ERN1: variants seen among roughly 807,000 people sequenced by gnomAD.
ERN1 encodes endoplasmic reticulum to nucleus signaling 1.
Under a neutral mutation model 113.1 loss-of-function variants are expected in ERN1, and 39 were observed. The observed-to-expected ratio is 0.34, with a 90% CI of 0.27 to 0.45. ERN1 has a LOEUF of 0.45. Ranked by LOEUF, ERN1 falls within the 20% of genes least tolerant of loss-of-function variation. The pLI is 1.00. For synonymous variants in ERN1, 507 were observed against 515.9 expected, an observed-to-expected ratio of 0.98 and a Z score of 0.23; for missense variants, 976 against 1,274.8, an observed-to-expected ratio of 0.77 and a Z score of 3.57.
intron 1 of ERN1, among the ~76,000 whole-genome samples, chr17:64,110,225 A>G (rs1914636857): frequency 6.6e-6 from 1 of 152,202 alleles, no homozygotes; most frequent in Non-Finnish European, 1.5e-5. Context: ...TATTTTTTAC[A>G]CTGACATATA....
intron 4 of ERN1, among the ~76,000 whole-genome samples, chr17:64,077,725 T>C (rs770495960): frequency 4.0e-5 from 6 of 151,758 alleles, no homozygotes; most frequent in Non-Finnish European, 8.8e-5. Context: ...CACATGTCCA[T>C]TGGTGAACAA....
At chr17:64,129,853 G>A in intron 1 of ERN1, 123 bp downstream of exon 1, 1 of 915,476 alleles carries the variant, frequency 1.1e-6, no homozygotes, top group Non-Finnish European at 1.5e-6. Context: ...CTGGGCTCAC[G>A]GGGCATCTGG....
At chr17:64,096,415 G>A (rs910837784) in intron 2 of ERN1, among the ~76,000 whole-genome samples, 4 of 152,184 alleles carry the variant, frequency 2.6e-5, no homozygotes, top group African/African-American at 7.2e-5. Context: ...TCTAGTTGCA[G>A]GAAAAGAAGC....
At chr17:64,082,925 A>T (rs1003420563) in intron 2 of ERN1, among the ~76,000 whole-genome samples, 10 of 152,006 alleles carry the variant, frequency 6.6e-5, no homozygotes, top group Non-Finnish European at 1.5e-4. Flanking sequence ...TTTCCCATCC[A>T]CTCAGTAAAA....
intron 5 of ERN1, among the ~76,000 whole-genome samples, chr17:64,072,620 C>T (rs1048139477): frequency 1.3e-5 from 2 of 152,244 alleles, no homozygotes. Flanking sequence ...GAGTTGGTTG[C>T]AACCTGATGC....
intron 12 of ERN1, among the ~76,000 whole-genome samples, chr17:64,056,893 T>G (rs1239190928): frequency 6.6e-6 from 1 of 152,134 alleles, no homozygotes; most frequent in Admixed American, 6.5e-5. Context: ...GGGAGTGCCA[T>G]AAAGAGTCTG....
At chr17:64,064,286 G>A in intron 9 of ERN1, 135 bp from the exon 10 acceptor site, 2 of 972,058 alleles carry the variant, frequency 2.1e-6, no homozygotes, top group Non-Finnish European at 2.9e-6. Flanking sequence ...AGACACAAAG[G>A]CCCAAAGTCT....
intron 2 of ERN1, among the ~76,000 whole-genome samples, chr17:64,082,178 G>A (rs1913787296): frequency 6.6e-6 from 1 of 152,182 alleles, no homozygotes; most frequent in African/African-American, 2.4e-5. Context: ...AAGGCATATG[G>A]TGTTCACAAC....
At chr17:64,061,406 A>T (rs1043772031) in intron 10 of ERN1, among the ~76,000 whole-genome samples, 1 of 152,136 alleles carries the variant, frequency 6.6e-6, no homozygotes, top group African/African-American at 2.4e-5. Context: ...TCTCACTCTG[A>T]CTCACGTCTC....
At position 64,052,771 on chromosome 17, in the gene ERN1, A is replaced by C; in HGVS notation, c.2253+9T>G. 1.2e-6 allele frequency: 2 copies of C among 1,611,530 alleles called. No homozygotes were observed. Among genetic ancestry groups the C allele is most frequent in the Non-Finnish European group, 1.7e-6 (2 of 1,178,016 alleles). On this transcript the variant is annotated intron_variant, in intron 17 of 21. Coordinates refer to ENST00000433197, the MANE Select transcript of ERN1 (RefSeq NM_001433.5). ...TGTAGTTTTCAAAGGGCCATAGCCT[A>C]TTACTCACAGGGTTCTCCTTACAGT...
chr17:64,074,005 CAT>C (rs1243880409), intron 5 of ERN1, among the ~76,000 whole-genome samples: 1 of 152,192 alleles, frequency 6.6e-6, no homozygotes, highest in Non-Finnish European at 1.5e-5. Context: ...GCCTGCTCCA[CAT>C]GTGTGCAACT....
chr17:64,079,517 T>C (rs988410664), intron 4 of ERN1, 145 bp downstream of exon 4: 7 of 593,386 alleles, frequency 1.2e-5, no homozygotes, highest in African/African-American at 1.1e-4. Context: ...ATGCCCAGGC[T>C]CCTCTCTAGA....
At chr17:64,105,482 A>G (rs1914499915) in intron 1 of ERN1, among the ~76,000 whole-genome samples, 1 of 152,224 alleles carries the variant, frequency 6.6e-6, no homozygotes, top group Admixed American at 6.5e-5. Context: ...CCAACAGACC[A>G]GAAGTTTATA....
chr17:64,079,778 G>A, intron 3 of ERN1, 44 bp from the exon 4 acceptor site: 12 of 1,526,016 alleles, frequency 7.9e-6, no homozygotes, highest in Non-Finnish European at 1.1e-5. Context: ...TACAGCCCAG[G>A]GCATGGAACA....
intron 17 of ERN1, 122 bp downstream of exon 17, chr17:64,052,658 A>G: frequency 1.2e-6 from 1 of 817,758 alleles, no homozygotes; most frequent in South Asian, 2.2e-5. Context: ...CTCTTGGTGA[A>G]AGGAATGCCA....
intron 1 of ERN1, among the ~76,000 whole-genome samples, chr17:64,099,540 A>T (rs548650382): frequency 1.3e-5 from 2 of 152,242 alleles, no homozygotes; most frequent in Non-Finnish European, 2.9e-5. Flanking sequence ...AAAAAAAAAA[A>T]TGCCAATGCA....
chr17:64,118,854 G>C (rs1262775197), intron 1 of ERN1, among the ~76,000 whole-genome samples: 1 of 152,124 alleles, frequency 6.6e-6, no homozygotes, highest in Non-Finnish European at 1.5e-5. Flanking sequence ...CATGAAAAGG[G>C]GAAGGGAGTG....
chr17:64,106,796 A>C (rs1293914179), intron 1 of ERN1, among the ~76,000 whole-genome samples: 1 of 150,072 alleles, frequency 6.7e-6, no homozygotes, highest in Non-Finnish European at 1.5e-5. Flanking sequence ...ATAGGACACC[A>C]GTCCTACAGG....
chr17:64,054,182 T>G lies in ERN1; in HGVS notation c.1953+68A>C. The G allele has an allele frequency of 7.3e-7, 1 of 1,375,932 alleles. No homozygotes were observed. 85.2% of individuals were successfully genotyped at this position (1,375,932 alleles called of 1,614,324 possible). A position where few individuals can be genotyped will look rare whatever the true frequency, so the allele number is the denominator to read the frequency against. On this transcript the variant is annotated intron_variant, in intron 15 of 21. Coordinates refer to ENST00000433197, the MANE Select transcript of ERN1 (RefSeq NM_001433.5). The surrounding 1 kb of genome is among the most constrained non-coding windows in gnomAD (Gnocchi z 4.9). Reference sequence around the variant, plus strand: ...CTCAAACTCCTGAGCTCACGTGATCTGCTCACTTTGGCCTCCCAAAGTGCT... The same window carrying G: ...CTCAAACTCCTGAGCTCACGTGATCGGCTCACTTTGGCCTCCCAAAGTGCT...
Sources: allele counts gnomAD v4.1 joint callset (sites outside exome capture counted in the v4.1 genomes callset), GRCh38; gene constraint gnomAD v4.1.1; non-coding constraint Gnocchi (gnomAD v3.1); transcripts MANE v1.5; gene names NCBI Gene and HGNC (gene_info 2026-07-23, HGNC 2026-07-21).